The following UQCRB variants were observed in gnomAD, a reference collection of about 807,000 sequenced individuals.
The protein encoded by UQCRB is cytochrome b-c1 complex subunit 7.
A neutral mutation model predicts 19.8 loss-of-function variants in UQCRB; 12 were observed. The observed-to-expected ratio is 0.61, with a 90% CI of 0.39 to 0.98. The LOEUF (loss-of-function observed/expected upper bound fraction) is 0.98, where lower values mean the gene tolerates loss of function less well. Among genes scored for constraint, UQCRB ranks in the 50% least tolerant of loss-of-function variants. The pLI is 0.00. For synonymous variants in UQCRB, 39 were observed against 42.9 expected (o/e 0.91, Z 0.35); for missense variants, 142 against 131.8 (o/e 1.08, Z -0.38).
In UQCRB at chr8:96,234,391, G is replaced by A. The variant is rs1809750332; in HGVS notation, c.19+1121C>T. 2.3e-5 allele frequency: 15 copies of A among 656,188 alleles called. No individual in the cohort carries two copies. In the South Asian group the frequency reaches 2.3e-4, roughly 10 times the overall value. The allele number at this position is 656,188 out of a possible 1,614,324, so 40.6% of individuals were successfully genotyped here. ...CCAACATTAGCTGATTTATTTACAT[G>A]TCTGTTACTACAGAAGGGGAAGCTG... On this transcript the variant is annotated intron_variant, in intron 1 of 3. Transcript: ENST00000287022.
rs1273252309 is a variant in UQCRB at position 96,228,002 on chromosome 8, G to C, written c.*3053C>G. ...GTTATCAAATATTTCCATGCAATCTGGAACTAGGACCACAGCTGGCAATTG... is the reference window on the plus strand; with the variant it reads ...GTTATCAAATATTTCCATGCAATCTCGAACTAGGACCACAGCTGGCAATTG... On this transcript the variant is annotated 3_prime_UTR_variant, in exon 4 of 4. Coordinates refer to ENST00000287022, the MANE Select transcript of UQCRB (RefSeq NM_006294.5). The C allele has an allele frequency of 6.6e-6, 3 of 454,080 alleles. No homozygotes were observed. Among genetic ancestry groups the C allele is most frequent in the Non-Finnish European group, 1.3e-5 (3 of 226,792 alleles). The allele number at this position is 454,080 out of a possible 1,614,324, so 28.1% of individuals were successfully genotyped here. A position where few individuals can be genotyped will look rare whatever the true frequency, so the allele number is the denominator to read the frequency against.
chr8:96,234,652 T>C, intron 1 of UQCRB: 1 of 492,366 alleles, frequency 2.0e-6, no homozygotes, highest in Middle Eastern at 5.1e-4. Flanking sequence ...GCTTCACAAT[T>C]GCTGGGGGCG....
rs894698311 is a variant in UQCRB, at chr8:96,226,087, C to A, written c.*4968G>T. On this transcript the variant is annotated 3_prime_UTR_variant, in exon 4 of 4. Transcript: ENST00000287022. The stretch of plus-strand genomic sequence containing the variant: ...CCCCACAACAAAGAATTATCTAGCC[C>A]CAGATTTCAACAGTGACGAGGCTGC... The A allele has an allele frequency of 6.6e-6, 1 of 152,126 alleles. No homozygotes were observed. Among genetic ancestry groups the A allele is most frequent in the African/African-American group, 2.4e-5 (1 of 41,428 alleles). 9.4% of individuals were successfully genotyped at this position (152,126 alleles called of 1,614,324 possible).
chr8:96,231,846 G>C lies in UQCRB; in HGVS notation c.186C>G (p.Arg62=). 1 of 1,614,118 alleles carries C rather than the reference G, an allele frequency of 6.2e-7. No individual in the cohort carries two copies. The highest frequency in any genetic ancestry group is 1.7e-4 in the Middle Eastern group (1 of 6,052). The change falls in exon 3 of 4, where the codon CGC becomes CGG. Residue 62 remains arginine, a synonymous_variant. Transcript: ENST00000287022. The part of the protein sequence containing the change: ...PENLYNDRMF[R]IKRALDLNLK... Reference sequence around the variant, plus strand: ...AGTTCAGGTCCAGTGCCCTCTTAATGCGAAACATCCTGTCATTATAAAGGT... The same window carrying C: ...AGTTCAGGTCCAGTGCCCTCTTAATCCGAAACATCCTGTCATTATAAAGGT...
At chr8:96,231,337 G>C (rs556709826) in intron 3 of UQCRB, 21 of 1,548,154 alleles carry the variant, frequency 1.4e-5, no homozygotes, top group Non-Finnish European at 1.7e-5. Flanking sequence ...GTTATGAGGG[G>C]GAAGTCTTTT....
At position 96,230,426 on chromosome 8, in the gene UQCRB, TTAAC is replaced by T. The variant is rs1234240704; in HGVS notation, c.*625_*628del. 10 of 451,084 alleles carry T rather than the reference TTAAC, an allele frequency of 2.2e-5. No individual in the cohort carries two copies. Among genetic ancestry groups the T allele is most frequent in the Non-Finnish European group, 4.4e-5 (10 of 226,106 alleles). 27.9% of individuals were successfully genotyped at this position (451,084 alleles called of 1,614,324 possible). A position where few individuals can be genotyped will look rare whatever the true frequency, so the allele number is the denominator to read the frequency against. On this transcript the variant is annotated 3_prime_UTR_variant, in exon 4 of 4. Transcript: ENST00000287022. ...AAATTACCCTATAATCTTAAAACTT[TTAAC>T]TGACTAGTATCCAACCCTTAAACTT...
rs925760569 is a variant in UQCRB at position 96,234,554 on chromosome 8, T to C, written c.19+958A>G. ...TTCAATATCTGCCAAATTAATAAAA[T>C]AATTATTTAAAAAGTCTCCCCCACC... On this transcript the variant is annotated intron_variant, in intron 1 of 3. Coordinates refer to ENST00000287022, the MANE Select transcript of UQCRB (RefSeq NM_006294.5). The C allele has an allele frequency of 6.6e-5, 84 of 1,268,268 alleles. No individual in the cohort carries two copies. In the African/African-American group the frequency reaches 1.1e-3, roughly 16 times the overall value. 78.6% of individuals were successfully genotyped at this position (1,268,268 alleles called of 1,614,324 possible). A position where few individuals can be genotyped will look rare whatever the true frequency, so the allele number is the denominator to read the frequency against.
Position 96,224,645 on chromosome 8 carries a change from C to T in UQCRB, c.*6410G>A, listed in dbSNP as rs2129766976. Among the ~76,000 whole-genome samples the T allele has an allele frequency of 6.6e-6, 1 of 152,316 alleles. No homozygotes were observed. Among genetic ancestry groups the T allele is most frequent in the East Asian group, 1.9e-4 (1 of 5,184 alleles). ...CGGACCTCTCTCTTTTACCCTTCCT[C>T]ACATCCACCTCTTACACATCTAACT... On this transcript the variant is annotated 3_prime_UTR_variant, in exon 4 of 4. Coordinates refer to ENST00000287022, the MANE Select transcript of UQCRB (RefSeq NM_006294.5).
intron 3 of UQCRB, chr8:96,231,451 A>T: frequency 6.5e-7 from 1 of 1,535,722 alleles, no homozygotes; most frequent in Non-Finnish European, 8.7e-7. Context: ...ATCTGGAGGG[A>T]CACTCAATGG....
rs1022413257 is a variant in UQCRB, at chr8:96,226,522, T to C, written c.*4533A>G. On this transcript the variant is annotated 3_prime_UTR_variant, in exon 4 of 4. Transcript: ENST00000287022. ...TCCAGTTTAATGGCAAACCACATTTTAAATGCATGCATAAGAGAAAAATTG... is the reference window on the plus strand; with the variant it reads ...TCCAGTTTAATGGCAAACCACATTTCAAATGCATGCATAAGAGAAAAATTG... 1 of 204,428 alleles carries C rather than the reference T, an allele frequency of 4.9e-6. No homozygotes were observed. The highest frequency in any genetic ancestry group is 1.0e-5 in the Non-Finnish European group (1 of 100,334). The allele number at this position is 204,428 out of a possible 1,614,324, so 12.7% of individuals were successfully genotyped here.
At chr8:96,233,103 AAAC>A in intron 2 of UQCRB, 50 bp downstream of exon 2, 1 of 1,574,140 alleles carries the variant, frequency 6.4e-7, no homozygotes, top group Non-Finnish European at 8.6e-7. Context: ...ACAAAAAAAA[AAAC>A]AAAGAAACAA....
chr8:96,233,499 A>G (rs1586155738), intron 1 of UQCRB: 1 of 425,594 alleles, frequency 2.3e-6, no homozygotes, highest in East Asian at 4.6e-5. Context: ...GTCATGAAAG[A>G]AAAGGGTAAA....
chr8:96,230,403 A>G lies in UQCRB; in HGVS notation c.*652T>C, dbSNP rs995205047. 1.6e-5 allele frequency: 7 copies of G among 444,016 alleles called. No homozygotes were observed. Among genetic ancestry groups the G allele is most frequent in the Admixed American group, 5.0e-5 (2 of 40,252 alleles). 27.5% of individuals were successfully genotyped at this position (444,016 alleles called of 1,614,324 possible). The stretch of plus-strand genomic sequence containing the variant: ...ATGATTCTAATTTATATTTTTAAAA[A>G]TTACCCTATAATCTTAAAACTTTTA... On this transcript the variant is annotated 3_prime_UTR_variant, in exon 4 of 4. Transcript: ENST00000287022.
chr8:96,233,681 G>A (rs1809728977), intron 1 of UQCRB: 1 of 157,506 alleles, frequency 6.3e-6, no homozygotes, highest in Non-Finnish European at 1.4e-5. Flanking sequence ...CATTTCAAGA[G>A]AGCTGGAGTT....
chr8:96,229,662 G>C lies in UQCRB; in HGVS notation c.*1393C>G. The C allele has an allele frequency of 2.2e-6, 1 of 453,670 alleles. No homozygotes were observed. Among genetic ancestry groups the C allele is most frequent in the South Asian group, 1.6e-5 (1 of 64,450 alleles). 28.1% of individuals were successfully genotyped at this position (453,670 alleles called of 1,614,324 possible). A position where few individuals can be genotyped will look rare whatever the true frequency, so the allele number is the denominator to read the frequency against. ...CTACATTAAAACCTTGTCACAATGT[G>C]ACCTGAGCAAAACCATTATCAAGTG... On this transcript the variant is annotated 3_prime_UTR_variant, in exon 4 of 4. Coordinates refer to ENST00000287022, the MANE Select transcript of UQCRB (RefSeq NM_006294.5).
At position 96,231,754 on chromosome 8, in the gene UQCRB, G is replaced by A; in HGVS notation, c.258+20C>T. 6.2e-7 allele frequency: 1 copy of A among 1,614,060 alleles called. No homozygotes were observed. The highest frequency in any genetic ancestry group is 8.5e-7 in the Non-Finnish European group (1 of 1,179,974). ...CCATCCTTAATGAGCAACACTGTCAGGTAGATAAAGCTGTGCTACCTCTTC... is the reference window on the plus strand; with the variant it reads ...CCATCCTTAATGAGCAACACTGTCAAGTAGATAAAGCTGTGCTACCTCTTC... On this transcript the variant is annotated intron_variant, in intron 3 of 3. Transcript: ENST00000287022.
rs918405159 is a variant in UQCRB at position 96,228,534 on chromosome 8, A to C, written c.*2521T>G. ...AGACCTTGGACCTTAGCTACTGGTTAGCTATTCGACATTGATGATATTCAG... is the reference window on the plus strand; with the variant it reads ...AGACCTTGGACCTTAGCTACTGGTTCGCTATTCGACATTGATGATATTCAG... On this transcript the variant is annotated 3_prime_UTR_variant, in exon 4 of 4. Transcript: ENST00000287022. 2 of 454,018 alleles carry C rather than the reference A, an allele frequency of 4.4e-6. No homozygotes were observed. Among genetic ancestry groups the C allele is most frequent in the Non-Finnish European group, 8.8e-6 (2 of 226,800 alleles). The allele number at this position is 454,018 out of a possible 1,614,324, so 28.1% of individuals were successfully genotyped here.
Position 96,228,574 on chromosome 8 carries a change from A to C in UQCRB, c.*2481T>G. ...ATGATATTCAGCGTTTTCCCAAGTT[A>C]TTCTTTCTCGCTTCTCAGCACATAA... On this transcript the variant is annotated 3_prime_UTR_variant, in exon 4 of 4. Coordinates refer to ENST00000287022, the MANE Select transcript of UQCRB (RefSeq NM_006294.5). 1 of 454,156 alleles carries C rather than the reference A, an allele frequency of 2.2e-6. No individual in the cohort carries two copies. 28.1% of individuals were successfully genotyped at this position (454,156 alleles called of 1,614,324 possible).
At chr8:96,232,367 A>G (rs1809696873) in intron 2 of UQCRB, 1 of 173,862 alleles carries the variant, frequency 5.8e-6, no homozygotes, top group Non-Finnish European at 1.2e-5. Flanking sequence ...ATGATAGTAT[A>G]CTAAGGAACA....
Sources: allele counts gnomAD v4.1 joint callset (sites outside exome capture counted in the v4.1 genomes callset), GRCh38; gene constraint gnomAD v4.1.1; transcripts MANE v1.5; gene names NCBI Gene and HGNC (gene_info 2026-07-23, HGNC 2026-07-21).